The following NSD2 variants were observed in gnomAD, a reference collection of about 807,000 sequenced individuals.
The protein encoded by NSD2 is nuclear receptor binding SET domain protein 2.
Under a neutral mutation model 139.0 loss-of-function variants are expected in NSD2, and 12 were observed. The observed-to-expected ratio is 0.09, with a 90% CI of 0.06 to 0.14. The LOEUF (loss-of-function observed/expected upper bound fraction) is 0.14, where lower values mean the gene tolerates loss of function less well. Ranked by LOEUF, NSD2 falls within the 10% of genes least tolerant of loss-of-function variation. The pLI is 1.00. For synonymous variants in NSD2, 669 were observed against 648.7 expected (o/e 1.03, Z -0.48); for missense variants, 1,155 against 1,745.0 (o/e 0.66, Z 6.02).
At chr4:1,925,767 T>TAA (rs1398617475) in intron 5 of NSD2, among the ~76,000 whole-genome samples, 4 of 148,210 alleles carry the variant, frequency 2.7e-5, no homozygotes, top group African/African-American at 7.9e-5. Flanking sequence ...TATATCTATA[T>TAA]ATATATTTTT....
intron 9 of NSD2, 150 bp from the exon 10 acceptor site, chr4:1,950,922 G>T: frequency 9.3e-7 from 1 of 1,072,420 alleles, no homozygotes; most frequent in Non-Finnish European, 1.3e-6. Context: ...AGTTGATGAT[G>T]GTTCCACTGT....
intron 3 of NSD2, among the ~76,000 whole-genome samples, chr4:1,908,258 T>A (rs1204042810): frequency 6.6e-6 from 1 of 152,210 alleles, no homozygotes; most frequent in African/African-American, 2.4e-5. Flanking sequence ...GATCTCACAG[T>A]TGGAACCTTG....
At chr4:1,922,344 A>G (rs1720259608) in intron 5 of NSD2, among the ~76,000 whole-genome samples, 1 of 152,232 alleles carries the variant, frequency 6.6e-6, no homozygotes, top group Non-Finnish European at 1.5e-5. Flanking sequence ...AATAGAAACC[A>G]AAATGTCAGG....
chr4:1,938,410 TTC>T (rs751520729), intron 7 of NSD2, 39 bp from the exon 8 acceptor site: 175 of 1,183,026 alleles, frequency 1.5e-4, no homozygotes, highest in South Asian at 1.3e-3. Flanking sequence ...TCTTTTTTTT[TTC>T]TTTCTTTTTT....
chr4:1,872,677 C>T (rs1303920545), intron 1 of NSD2, among the ~76,000 whole-genome samples: 1 of 144,116 alleles, frequency 6.9e-6, no homozygotes, highest in African/African-American at 2.5e-5. Context: ...GGATAAAGTT[C>T]AGGCCTGGCT....
In NSD2 at chr4:1,872,291, A is replaced by G. The variant is rs574034563; in HGVS notation, c.-30+749A>G. Among the ~76,000 whole-genome samples, 14 of 152,198 alleles carry G rather than the reference A, an allele frequency of 9.2e-5. 1 individual carries two copies. In the South Asian group the frequency reaches 2.7e-3, roughly 29 times the overall value. Reference sequence around the variant, plus strand: ...ATGTTCCCCTCGCCCCAGGATGCAGATTGATAGTCCTTGAAGCCTCAGTGC... The same window carrying G: ...ATGTTCCCCTCGCCCCAGGATGCAGGTTGATAGTCCTTGAAGCCTCAGTGC... On this transcript the variant is annotated intron_variant, in intron 1 of 21. Transcript: ENST00000508803.
In NSD2 at chr4:1,891,601, C is replaced by T. The variant is rs137966515; in HGVS notation, c.-29-9025C>T. Among the ~76,000 whole-genome samples the T allele has an allele frequency of 2.2e-3, 340 of 152,216 alleles. 2 individuals carry two copies. Among genetic ancestry groups the T allele is most frequent in the African/African-American group, 7.8e-3 (325 of 41,540 alleles). On this transcript the variant is annotated intron_variant, in intron 1 of 21. Coordinates refer to ENST00000508803, the MANE Select transcript of NSD2 (RefSeq NM_001042424.3). The stretch of plus-strand genomic sequence containing the variant: ...GGCACGGTGGCTCATGCCTGTAATC[C>T]TAGCACTTTGGGAGGCTGAGGCGGG...
At chr4:1,963,833 G>A (rs1725604606) in intron 18 of NSD2, among the ~76,000 whole-genome samples, 1 of 152,136 alleles carries the variant, frequency 6.6e-6, no homozygotes, top group Non-Finnish European at 1.5e-5. Context: ...GGGTAACACA[G>A]ACCCTCATCT....
chr4:1,978,847 G>A lies in NSD2; in HGVS notation c.4036G>A (p.Gly1346Arg). The A allele has an allele frequency of 1.2e-6, 2 of 1,602,184 alleles. No individual in the cohort carries two copies. Among genetic ancestry groups the A allele is most frequent in the Non-Finnish European group, 1.7e-6 (2 of 1,171,514 alleles). The change falls in exon 22 of 22, where the codon GGG becomes AGG. Residue 1346 changes from glycine to arginine, a missense_variant. By Grantham distance (125) the Gly-to-Arg change is moderately radical (BLOSUM62 -2). Coordinates refer to ENST00000508803, the MANE Select transcript of NSD2 (RefSeq NM_001042424.3). ...GACTGAGAAGCCCCCCCCAGAGCCA[G>A]GGAAGCCGAAGGGGAAGAGGCGGCG... ...TKTEKPPPEPGKPKGKRRRRR... is the reference protein window; with the variant it reads ...TKTEKPPPEPRKPKGKRRRRR...
chr4:1,940,581 C>A, intron 9 of NSD2: 1 of 1,063,842 alleles, frequency 9.4e-7, no homozygotes, highest in Non-Finnish European at 1.1e-6. Flanking sequence ...GTTTTAATTT[C>A]TTGTTATTTG....
In NSD2 at chr4:1,942,906, A is replaced by C; in HGVS notation, c.1881+3128A>C. 1 of 1,058,450 alleles carries C rather than the reference A, an allele frequency of 9.4e-7. No individual in the cohort carries two copies. Among genetic ancestry groups the C allele is most frequent in the Non-Finnish European group, 1.1e-6 (1 of 875,084 alleles). The allele number at this position is 1,058,450 out of a possible 1,614,324, so 65.6% of individuals were successfully genotyped here. A position where few individuals can be genotyped will look rare whatever the true frequency, so the allele number is the denominator to read the frequency against. ...TACACTAATTTCCAACATAAGAGGC[A>C]GGAAGAGTTTTGATTCTATCCTTTT... On this transcript the variant is annotated intron_variant, in intron 9 of 21. Transcript: ENST00000508803. The surrounding 1 kb of genome is among the most constrained non-coding windows in gnomAD (Gnocchi z 4.0).
chr4:1,943,752 G>A, intron 9 of NSD2: 1 of 1,058,820 alleles, frequency 9.4e-7, no homozygotes, highest in East Asian at 5.2e-5. Context: ...GAAATTTAAA[G>A]ATGGGGAAAA....
At chr4:1,941,558 A>G (rs1437104827) in intron 9 of NSD2, 60 of 1,040,166 alleles carry the variant, frequency 5.8e-5, no homozygotes, top group Non-Finnish European at 6.3e-5. Flanking sequence ...TTAAATTTTA[A>G]TTCTTCAGAA....
intron 9 of NSD2, chr4:1,945,305 A>T (rs1723506007): frequency 9.4e-7 from 1 of 1,065,752 alleles, no homozygotes; most frequent in South Asian, 4.6e-5. Flanking sequence ...ACAGGAAAGG[A>T]GGGAGGATGC....
chr4:1,901,363 C>CT (rs1232679452), intron 2 of NSD2, 112 bp downstream of exon 2: 1 of 974,590 alleles, frequency 1.0e-6, no homozygotes, highest in Non-Finnish European at 1.5e-6. Context: ...GAGGACAGGC[C>CT]TGGTACTTCC....
chr4:1,874,077 A>G (rs946999936), intron 1 of NSD2, among the ~76,000 whole-genome samples: 49 of 152,222 alleles, frequency 3.2e-4, no homozygotes, highest in African/African-American at 1.1e-3. Context: ...CTTTCTAAGT[A>G]AATAATTAAT....
At chr4:1,938,610 A>C (rs1356470405) in intron 8 of NSD2, 78 bp downstream of exon 8, 2 of 1,230,938 alleles carry the variant, frequency 1.6e-6, no homozygotes, top group Non-Finnish European at 2.3e-6. Context: ...AGAGTGTGAA[A>C]GGGGAAGGCT....
chr4:1,890,313 T>G (rs867761858), intron 1 of NSD2, among the ~76,000 whole-genome samples: 2 of 152,280 alleles, frequency 1.3e-5, no homozygotes, highest in Middle Eastern at 3.4e-3. Flanking sequence ...TTTGTTTTTT[T>G]TTTGAGATGG....
At chr4:1,897,585 G>T (rs1171579555) in intron 1 of NSD2, among the ~76,000 whole-genome samples, 1 of 152,092 alleles carries the variant, frequency 6.6e-6, no homozygotes, top group East Asian at 1.9e-4. Context: ...TTAGAGACTA[G>T]CCTGGTCAAC....
Sources: gnomAD v4.1 joint callset for allele counts (sites outside exome capture counted in the v4.1 genomes callset) on GRCh38, gnomAD v4.1.1 for gene constraint, Gnocchi (gnomAD v3.1) non-coding constraint, MANE v1.5 for transcripts, NCBI Gene and HGNC (gene_info 2026-07-23, HGNC 2026-07-21) for gene names.